SCARF1: variants seen among roughly 807,000 people sequenced by gnomAD.
The protein encoded by SCARF1 is acetyl LDL receptor.
Under a neutral mutation model 76.3 loss-of-function variants are expected in SCARF1, and 49 were observed. The observed-to-expected ratio is 0.64, with a 90% CI of 0.51 to 0.81. The LOEUF (loss-of-function observed/expected upper bound fraction) is 0.81. Among genes scored for constraint, SCARF1 ranks in the 40% least tolerant of loss-of-function variants. The pLI, the probability that SCARF1 is intolerant of heterozygous loss-of-function variation, is 0.00. For synonymous variants in SCARF1, 495 were observed against 474.6 expected, an observed-to-expected ratio of 1.04 and a Z score of -0.56; for missense variants, 1,098 against 1,143.9, an observed-to-expected ratio of 0.96 and a Z score of 0.58.
At position 1,640,284 on chromosome 17, in the gene SCARF1, GGCCCCCCCAGAACCCACTGCT is replaced by G; in HGVS notation, c.1010+143_1010+163del. 1.3e-6 allele frequency: 1 copy of G among 793,634 alleles called. No individual in the cohort carries two copies. Among genetic ancestry groups the G allele is most frequent in the Non-Finnish European group, 2.0e-6 (1 of 508,066 alleles). 49.2% of individuals were successfully genotyped at this position (793,634 alleles called of 1,614,324 possible). A position where few individuals can be genotyped will look rare whatever the true frequency, so the allele number is the denominator to read the frequency against. The stretch of plus-strand genomic sequence containing the variant: ...GGGGAGGGAGCTGGGATCCTGCCCA[GGCCCCCCCAGAACCCACTGCT>G]CTCCCCCAGTCTTCAACAGGAGGGA... On this transcript the variant is annotated intron_variant, in intron 5 of 10. Coordinates refer to ENST00000263071, the MANE Select transcript of SCARF1 (RefSeq NM_003693.4). This position sits in a 1 kb window ranked among gnomAD's most constrained non-coding sequence, Gnocchi z 4.7.
chr17:1,634,760 A>G lies in SCARF1; in HGVS notation c.2491T>C (p.Ter831ArgextTer1), dbSNP rs771682585. Residue 831 changes from the stop codon to arginine (R), a stop_lost, in exon 11 of 11, where the codon TGA (stop) becomes CGA (arginine). Transcript: ENST00000263071. Reference protein sequence around the residue: ...VVPISRPPEP* With the variant: ...VVPISRPPEPR ...CCCACTCCCCAAATTCAAGGTCATC[A>G]GGGTTCTGGTGGCCTGGAGATGGGT... is the stretch of plus-strand genomic sequence containing the variant. 1 of 1,585,080 alleles carries G rather than the reference A, an allele frequency of 6.3e-7. No individual in the cohort carries two copies. Among genetic ancestry groups the G allele is most frequent in the South Asian group, 1.1e-5 (1 of 88,962 alleles).
Position 1,635,371 on chromosome 17 carries a change from G to A in SCARF1, c.1880C>T (p.Pro627Leu), listed in dbSNP as rs1293642458. Reference protein sequence around the residue: ...KRLSRGAQSGPEGREAEESTG... With the variant: ...KRLSRGAQSGLEGREAEESTG... ...GGACTCTTCGGCTTCCCGGCCCTCA[G>A]GACCCGACTGCGCCCCCCGGGAGAG... Residue 627 changes from proline (P) to leucine (L), a missense_variant, in exon 11 of 11, where the codon CCT becomes CTT. Transcript: ENST00000263071. 5.0e-6 allele frequency: 8 copies of A among 1,613,216 alleles called. No individual in the cohort carries two copies. The East Asian group carries it at 1.3e-4, about 27-fold the overall frequency.
Position 1,645,553 on chromosome 17 carries a change from G to A in SCARF1, c.101+44C>T. The A allele has an allele frequency of 6.3e-7, 1 of 1,582,002 alleles. No homozygotes were observed. The highest frequency in any genetic ancestry group is 1.8e-5 in the Admixed American group (1 of 56,866). On this transcript the variant is annotated intron_variant, in intron 1 of 10. Transcript: ENST00000263071. The surrounding 1 kb of genome is among the most constrained non-coding windows in gnomAD (Gnocchi z 6.3). Reference sequence around the variant, plus strand: ...AGCCACCCGCATCAGACTCCCACGAGACCCACCTGCTGGCCACACGCATCA... The same window carrying A: ...AGCCACCCGCATCAGACTCCCACGAAACCCACCTGCTGGCCACACGCATCA...
intron 4 of SCARF1, 48 bp downstream of exon 4, chr17:1,643,394 G>A (rs1910245213): frequency 7.0e-6 from 5 of 709,956 alleles, no homozygotes; most frequent in Non-Finnish European, 8.4e-6. Context: ...GCTCACTTGT[G>A]TCCGCCCCCG....
rs369347156 is a variant in SCARF1, at chr17:1,644,953, C to G, written c.164-18G>C. ...ACAGATGGCTGAAAGACACCCCACC[C>G]AGGTTGGAAAGACGGGAGCAGGACC... On this transcript the variant is annotated intron_variant, in intron 2 of 10. Transcript: ENST00000263071. This position sits in a 1 kb window ranked among gnomAD's most constrained non-coding sequence, Gnocchi z 4.8. 1 of 1,610,520 alleles carries G rather than the reference C, an allele frequency of 6.2e-7. No homozygotes were observed. Among genetic ancestry groups the G allele is most frequent in the Non-Finnish European group, 8.5e-7 (1 of 1,178,760 alleles).
intron 7 of SCARF1, 96 bp downstream of exon 7, chr17:1,639,543 G>A (rs985222482): frequency 2.4e-5 from 19 of 776,762 alleles, no homozygotes; most frequent in Non-Finnish European, 3.4e-5. Context: ...TCTCTGAAGT[G>A]GGCCCAGACT....
chr17:1,635,184 G>A lies in SCARF1; in HGVS notation c.2067C>T (p.Thr689=), dbSNP rs780161507. 32 of 1,613,358 alleles carry A rather than the reference G, an allele frequency of 2.0e-5. No individual in the cohort carries two copies. The highest frequency in any genetic ancestry group is 2.4e-5 in the Non-Finnish European group (28 of 1,180,036). The change falls in exon 11 of 11, where the codon ACC becomes ACT. Residue 689 remains threonine, a synonymous_variant. Transcript: ENST00000263071. ...GSVQESSGPV[T]TIYMLAGKPR... The stretch of plus-strand genomic sequence containing the variant: ...GCTTCCCTGCCAGCATGTAGATCGT[G>A]GTCACAGGGCCCGAGCTCTCCTGGA...
chr17:1,644,963 AGACGGGAGCAG>A lies in SCARF1; in HGVS notation c.164-39_164-29del. 1 of 1,606,134 alleles carries A rather than the reference AGACGGGAGCAG, an allele frequency of 6.2e-7. No individual in the cohort carries two copies. Among genetic ancestry groups the A allele is most frequent in the East Asian group, 2.2e-5 (1 of 44,756 alleles). On this transcript the variant is annotated intron_variant, in intron 2 of 10. Coordinates refer to ENST00000263071, the MANE Select transcript of SCARF1 (RefSeq NM_003693.4). This position sits in a 1 kb window ranked among gnomAD's most constrained non-coding sequence, Gnocchi z 4.8. ...GAAAGACACCCCACCCAGGTTGGAA[AGACGGGAGCAG>A]GACCAGGGGACACCCCTGCCCTCTC...
At position 1,645,209 on chromosome 17, in the gene SCARF1, G is replaced by T; in HGVS notation, c.132C>A (p.Gly44=). 1 of 1,613,606 alleles carries T rather than the reference G, an allele frequency of 6.2e-7. No individual in the cohort carries two copies. Among genetic ancestry groups the T allele is most frequent in the Non-Finnish European group, 8.5e-7 (1 of 1,179,982 alleles). The change falls in exon 2 of 11, where the codon GGC becomes GGA. Residue 44 remains glycine (G), a synonymous_variant. Coordinates refer to ENST00000263071, the MANE Select transcript of SCARF1 (RefSeq NM_003693.4). The surrounding 1 kb of genome is among the most constrained non-coding windows in gnomAD (Gnocchi z 6.3). ...SPSAELQCCA[G]WRQKDQECTI... ...TGCATTCTTGATCCTTCTGCCTCCA[G>T]CCTGCGCAGCACTGCAGCTCAGCAG...
rs889932870 is a variant in SCARF1, at chr17:1,645,101, A to G, written c.163+77T>C. 1.3e-6 allele frequency: 2 copies of G among 1,592,038 alleles called. No homozygotes were observed. Among genetic ancestry groups the G allele is most frequent in the East Asian group, 2.2e-5 (1 of 44,608 alleles). ...CCTGGTATCAGGAGGGGCAGGCCCC[A>G]TGGGGTAGGAAGGAAGGGTTGTCAC... is the stretch of plus-strand genomic sequence containing the variant. On this transcript the variant is annotated intron_variant, in intron 2 of 10. Coordinates refer to ENST00000263071, the MANE Select transcript of SCARF1 (RefSeq NM_003693.4). This position sits in a 1 kb window ranked among gnomAD's most constrained non-coding sequence, Gnocchi z 6.3.
rs755292325 is a variant in SCARF1 at position 1,636,994 on chromosome 17, C to T, written c.1433G>A (p.Gly478Asp). 18 of 1,613,970 alleles carry T rather than the reference C, an allele frequency of 1.1e-5. No individual in the cohort carries two copies. The South Asian group carries it at 2.0e-4, about 18-fold the overall frequency. ...GAGGGAACGGCAGGGCAGCGTGGAG[C>T]CCAAGCTGGTCAGTGTCCCCCAGAC... ...LQVWGTLTSL[G>D]STLPCRSLSS... The change falls in exon 9 of 11, where the codon GGC becomes GAC. Residue 478 changes from glycine to aspartate, a missense_variant. Gly to Asp is a moderately conservative substitution (Grantham distance 94, BLOSUM62 -1). Transcript: ENST00000263071.
chr17:1,645,150 T>C lies in SCARF1; in HGVS notation c.163+28A>G, dbSNP rs1276712230. The C allele has an allele frequency of 6.2e-7, 1 of 1,613,496 alleles. No homozygotes were observed. Among genetic ancestry groups the C allele is most frequent in the African/African-American group, 1.3e-5 (1 of 74,916 alleles). ...ACTGGGCTACGGCCTCCCTTCTCCT[T>C]GGCTGAGGGTCTGTCCTGGCTACTC... On this transcript the variant is annotated intron_variant, in intron 2 of 10. Coordinates refer to ENST00000263071, the MANE Select transcript of SCARF1 (RefSeq NM_003693.4). The surrounding 1 kb of genome is among the most constrained non-coding windows in gnomAD (Gnocchi z 6.3).
rs1909425032 is a variant in SCARF1 at position 1,635,126 on chromosome 17, A to C, written c.2125T>G (p.Phe709Val). The change falls in exon 11 of 11, where the codon TTC becomes GTC. Residue 709 changes from phenylalanine to valine, a missense_variant. Transcript: ENST00000263071. ...RGSEGPVRSV[F>V]RHFGSFQKGQ... ...TTCTGGAAGCTACCAAAATGGCGGA[A>C]GACAGAGCGGACAGGGCCTTCGGAT... The C allele has an allele frequency of 4.3e-6, 7 of 1,613,752 alleles. No homozygotes were observed. The highest frequency in any genetic ancestry group is 5.9e-6 in the Non-Finnish European group (7 of 1,180,032).
rs1207241929 is a variant in SCARF1, at chr17:1,640,246, A to G, written c.1010+202T>C. On this transcript the variant is annotated intron_variant, in intron 5 of 10. Transcript: ENST00000263071. This position sits in a 1 kb window ranked among gnomAD's most constrained non-coding sequence, Gnocchi z 4.7. ...CAAGTCCCCAGAGGGCGAGGAGGGC[A>G]GGAAGCCTCAGAGGGGAGGGAGCTG... The G allele has an allele frequency of 2.6e-6, 2 of 761,430 alleles. No homozygotes were observed. Among genetic ancestry groups the G allele is most frequent in the East Asian group, 2.7e-5 (1 of 37,086 alleles). 47.2% of individuals were successfully genotyped at this position (761,430 alleles called of 1,614,324 possible).
In SCARF1 at chr17:1,640,727, C is replaced by T. The variant is rs1207993240; in HGVS notation, c.792-61G>A. 3 of 1,499,014 alleles carry T rather than the reference C, an allele frequency of 2.0e-6. No homozygotes were observed. The highest frequency in any genetic ancestry group is 4.8e-5 in the East Asian group (2 of 41,738). The allele number at this position is 1,499,014 out of a possible 1,614,324, so 92.9% of individuals were successfully genotyped here. A position where few individuals can be genotyped will look rare whatever the true frequency, so the allele number is the denominator to read the frequency against. On this transcript the variant is annotated intron_variant, in intron 4 of 10. Coordinates refer to ENST00000263071, the MANE Select transcript of SCARF1 (RefSeq NM_003693.4). This position sits in a 1 kb window ranked among gnomAD's most constrained non-coding sequence, Gnocchi z 4.7. ...TGGATGGATGGAGCGCCCACCCCCT[C>T]CTACCCCTGTACTCCACGCAGGCCT...
At chr17:1,637,661 G>T (rs550236929) in intron 8 of SCARF1, among the ~76,000 whole-genome samples, 1 of 151,940 alleles carries the variant, frequency 6.6e-6, no homozygotes, top group Admixed American at 6.6e-5. Flanking sequence ...TAGTAGAGAC[G>T]GGGTTTCACC....
Position 1,644,027 on chromosome 17 carries a change from T to C in SCARF1, c.266-60A>G, listed in dbSNP as rs78762087. The C allele has an allele frequency of 2.5e-6, 3 of 1,220,536 alleles. No individual in the cohort carries two copies. The highest frequency in any genetic ancestry group is 3.1e-6 in the Non-Finnish European group (3 of 966,244). The allele number at this position is 1,220,536 out of a possible 1,614,324, so 75.6% of individuals were successfully genotyped here. On this transcript the variant is annotated intron_variant, in intron 3 of 10. Transcript: ENST00000263071. This position sits in a 1 kb window ranked among gnomAD's most constrained non-coding sequence, Gnocchi z 4.8. The stretch of plus-strand genomic sequence containing the variant: ...CAGGGCCGCGCGCAGACCCTTACCC[T>C]GCGTCCCCTTCCTCAAGGAAAAGGG...
rs1269037035 is a variant in SCARF1, at chr17:1,635,540, A to T, written c.1711T>A (p.Ser571Thr). 1 of 1,612,954 alleles carries T rather than the reference A, an allele frequency of 6.2e-7. No individual in the cohort carries two copies. The highest frequency in any genetic ancestry group is 1.7e-5 in the Admixed American group (1 of 60,006). ...GTGCGCGGGATGGCGAATGGCGTGG[A>T]GGCGTCCTCAGGGGGCGGGAAAGCA... is the stretch of plus-strand genomic sequence containing the variant. ...AGAFPPPEDA[S>T]TPFAIPRTSS... is the part of the protein sequence containing the mutation. Residue 571 changes from serine to threonine, a missense_variant, in exon 11 of 11, where the codon TCC (serine) becomes ACC (threonine). Ser to Thr is a moderately conservative substitution (Grantham distance 58, BLOSUM62 1). Coordinates refer to ENST00000263071, the MANE Select transcript of SCARF1 (RefSeq NM_003693.4).
At chr17:1,639,054 T>A in intron 7 of SCARF1, 128 bp from the exon 8 acceptor site, 1 of 965,264 alleles carries the variant, frequency 1.0e-6, no homozygotes, top group Non-Finnish European at 1.5e-6. Flanking sequence ...GCAGCCCCTC[T>A]GCTGGCGTGT....
Sources: allele counts gnomAD v4.1 joint callset (sites outside exome capture counted in the v4.1 genomes callset), GRCh38; gene constraint gnomAD v4.1.1; non-coding constraint Gnocchi (gnomAD v3.1); transcripts MANE v1.5; gene names NCBI Gene and HGNC (gene_info 2026-07-23, HGNC 2026-07-21).